The following ETV4 variants were observed in gnomAD, a reference collection of about 807,000 sequenced individuals.
The protein encoded by ETV4 is ETS translocation variant 4.
In ETV4, 42 loss-of-function variants were observed where a neutral mutation model predicts 65.9. That is an observed-to-expected ratio of 0.64 (90% CI 0.50 to 0.82). The LOEUF is 0.82. Among genes scored for constraint, ETV4 ranks in the 40% least tolerant of loss-of-function variants. The pLI, the probability that ETV4 is intolerant of heterozygous loss-of-function variation, is 0.00. For missense variants in ETV4, 583 were observed against 630.3 expected, an observed-to-expected ratio of 0.92 and a Z score of 0.80; for synonymous variants, 238 against 260.0, an observed-to-expected ratio of 0.92 and a Z score of 0.81.
chr17:43,530,242 G>A, intron 8 of ETV4, 61 bp from the exon 9 acceptor site: 1 of 1,550,366 alleles, frequency 6.5e-7, no homozygotes, highest in South Asian at 1.2e-5. Flanking sequence ...GGGCAGGGGA[G>A]GAGGAAGTCC....
intron 1 of ETV4, chr17:43,545,934 CGTGTGTGTGTGTGTGTGTGTGTGT>C (rs531139204): frequency 3.4e-5 from 9 of 263,306 alleles, no homozygotes; most frequent in Non-Finnish European, 5.2e-5. Context: ...TACATAAGAA[CGTGTGTGTGTGTGTGTGTGTGTGT>C]GTGTGTGTGT....
intron 2 of ETV4, 63 bp from the exon 3 acceptor site, chr17:43,545,430 T>G: frequency 7.9e-7 from 1 of 1,268,006 alleles, no homozygotes; most frequent in Non-Finnish European, 1.0e-6. Context: ...GGGACGAGGT[T>G]GGGGTCCTCG....
chr17:43,542,568 C>T (rs1046069939), intron 4 of ETV4, among the ~76,000 whole-genome samples: 1 of 152,100 alleles, frequency 6.6e-6, no homozygotes, highest in African/African-American at 2.4e-5. Context: ...ATCCCAGGCA[C>T]CCCCAAATCA....
At chr17:43,528,955 C>T (rs1970734046) in intron 12 of ETV4, among the ~76,000 whole-genome samples, 180 bp downstream of exon 12, 3 of 152,178 alleles carry the variant, frequency 2.0e-5, no homozygotes, top group South Asian at 4.1e-4. Context: ...TTCTCAGTTA[C>T]AGTGTTGCAC....
rs756738915 is a variant in ETV4, at chr17:43,533,307, G to A, written c.425C>T (p.Ala142Val). Residue 142 changes from alanine to valine, a missense_variant, in exon 7 of 13, where the codon GCC becomes GTC. Physicochemically the swap from Ala to Val is moderately conservative, Grantham distance 64. Transcript: ENST00000319349. ...GGGCGACTGTCCAAGGGCACCAGGG[G>A]CAGGGGACTTGATGGCGATTTGTCT... ...PPRQIAIKSPAPGALGQSPLQ... is the reference protein window; with the variant it reads ...PPRQIAIKSPVPGALGQSPLQ... The A allele has an allele frequency of 2.5e-6, 4 of 1,613,906 alleles. No individual in the cohort carries two copies. The highest frequency in any genetic ancestry group is 3.4e-6 in the Non-Finnish European group (4 of 1,179,854).
chr17:43,545,174 G>A, intron 3 of ETV4, 100 bp downstream of exon 3: 4 of 1,254,466 alleles, frequency 3.2e-6, no homozygotes, highest in Non-Finnish European at 4.6e-6. Context: ...GGGGAAACAG[G>A]CGGGGGTTCC....
At chr17:43,539,266 C>T (rs1340856116) in intron 4 of ETV4, among the ~76,000 whole-genome samples, 2 of 152,184 alleles carry the variant, frequency 1.3e-5, no homozygotes, top group Non-Finnish European at 2.9e-5. Context: ...TTCTAGCCCT[C>T]AAAGCTGCTG....
Position 43,532,880 on chromosome 17 carries a change from C to G in ETV4, c.605G>C (p.Arg202Pro). Reference sequence around the variant, plus strand: ...TTGGTAGGGGGCTGGGAGGGGTTCCCGGCCCCCTCCCTGAGATGTGAAGGA... The same window carrying G: ...TTGGTAGGGGGCTGGGAGGGGTTCCGGGCCCCCTCCCTGAGATGTGAAGGA... Reference protein sequence around the residue: ...CHSFTSQGGGREPLPAPYQHQ... With the variant: ...CHSFTSQGGGPEPLPAPYQHQ... Residue 202 changes from arginine to proline, a missense_variant, in exon 8 of 13, where the codon CGG becomes CCG. Arg to Pro is a moderately radical substitution (Grantham distance 103). Transcript: ENST00000319349. 2 of 1,604,044 alleles carry G rather than the reference C, an allele frequency of 1.2e-6. No homozygotes were observed. Among genetic ancestry groups the G allele is most frequent in the Admixed American group, 3.4e-5 (2 of 58,902 alleles).
At chr17:43,541,743 C>G (rs762588122) in intron 4 of ETV4, among the ~76,000 whole-genome samples, 3 of 152,122 alleles carry the variant, frequency 2.0e-5, no homozygotes, top group Non-Finnish European at 4.4e-5. Flanking sequence ...TCACCGCTGT[C>G]CCTTACCCTG....
At chr17:43,536,058 C>T (rs755623900) in intron 5 of ETV4, among the ~76,000 whole-genome samples, 3 of 152,206 alleles carry the variant, frequency 2.0e-5, no homozygotes, top group Non-Finnish European at 4.4e-5. Context: ...TTGCAGTGAG[C>T]CGAGATTGTG....
At chr17:43,531,492 A>G (rs1216881906) in intron 8 of ETV4, among the ~76,000 whole-genome samples, 1 of 152,172 alleles carries the variant, frequency 6.6e-6, no homozygotes, top group Non-Finnish European at 1.5e-5. Flanking sequence ...GCCACATATT[A>G]ACCTGTGCTT....
At chr17:43,535,375 T>G (rs1971186799) in intron 5 of ETV4, among the ~76,000 whole-genome samples, 1 of 152,168 alleles carries the variant, frequency 6.6e-6, no homozygotes, top group African/African-American at 2.4e-5. Context: ...CCTCCCAGGT[T>G]CAAGCGATTC....
At chr17:43,541,928 G>A (rs1276486467) in intron 4 of ETV4, among the ~76,000 whole-genome samples, 2 of 152,140 alleles carry the variant, frequency 1.3e-5, no homozygotes, top group African/African-American at 2.4e-5. Flanking sequence ...CAGACATGCC[G>A]AGGCACCAGT....
chr17:43,529,210 C>T lies in ETV4; in HGVS notation c.1155G>A (p.Lys385=), dbSNP rs929207461. 3.1e-6 allele frequency: 5 copies of T among 1,613,840 alleles called. No individual in the cohort carries two copies. The highest frequency in any genetic ancestry group is 4.2e-6 in the Non-Finnish European group (5 of 1,180,030). Residue 385 remains lysine (K), a synonymous_variant, in exon 12 of 13, where the codon AAG becomes AAA. Coordinates refer to ENST00000319349, the MANE Select transcript of ETV4 (RefSeq NM_001079675.5). ...TGTCGTAATTCATGGCTGGCCGGTT[C>T]TTCTGGATGCCCCAGAGCCTGGCGA... ...EEVARLWGIQ[K]NRPAMNYDKL...
intron 5 of ETV4, among the ~76,000 whole-genome samples, chr17:43,535,845 G>A (rs1240811202): frequency 6.6e-6 from 1 of 152,204 alleles, no homozygotes; most frequent in African/African-American, 2.4e-5. Flanking sequence ...GGCGCACTGG[G>A]CTCACGCCTG....
chr17:43,542,308 T>C (rs1363684249), intron 4 of ETV4, among the ~76,000 whole-genome samples: 2 of 152,088 alleles, frequency 1.3e-5, no homozygotes, highest in African/African-American at 4.8e-5. Flanking sequence ...AACCTATCCA[T>C]AGGGCTTCTG....
Position 43,532,751 on chromosome 17 carries a change from C to G in ETV4, c.734G>C (p.Gly245Ala). 2 of 1,614,096 alleles carry G rather than the reference C, an allele frequency of 1.2e-6. No homozygotes were observed. The highest frequency in any genetic ancestry group is 1.7e-6 in the Non-Finnish European group (2 of 1,180,008). Residue 245 changes from glycine to alanine, a missense_variant, in exon 8 of 13, where the codon GGT becomes GCT. Physicochemically the swap from Gly to Ala is moderately conservative, Grantham distance 60. Coordinates refer to ENST00000319349, the MANE Select transcript of ETV4 (RefSeq NM_001079675.5). ...TGGGTACCTGTGCCCATTGACCCCA[C>G]CCTGGTCCACGGCTGGCTGGCCCGC... ...EQAGQPAVDQ[G>A]GVNGHRYPGA...
intron 4 of ETV4, among the ~76,000 whole-genome samples, chr17:43,542,739 C>T (rs766095294): frequency 1.2e-4 from 19 of 152,310 alleles, no homozygotes; most frequent in East Asian, 9.6e-4. Context: ...TGTATCTGCC[C>T]GGCTCCAACC....
chr17:43,539,973 T>G (rs992560835), intron 4 of ETV4, among the ~76,000 whole-genome samples: 1 of 152,174 alleles, frequency 6.6e-6, no homozygotes, highest in Non-Finnish European at 1.5e-5. Flanking sequence ...AAACGAGAAC[T>G]TAGGACAAGT....
Sources: allele counts gnomAD v4.1 joint callset (sites outside exome capture counted in the v4.1 genomes callset), GRCh38; gene constraint gnomAD v4.1.1; transcripts MANE v1.5; gene names NCBI Gene and HGNC (gene_info 2026-07-23, HGNC 2026-07-21).